Variants in PCDH15 observed in about 807,000 individuals in gnomAD.
The protein encoded by PCDH15 is protocadherin-15.
In PCDH15, 129 loss-of-function variants were observed where a neutral mutation model predicts 178.5. That is an observed-to-expected ratio of 0.72 (90% CI 0.63 to 0.84). PCDH15 has a LOEUF of 0.84. Among genes scored for constraint, PCDH15 ranks in the 40% least tolerant of loss-of-function variants. The pLI is 0.00. For synonymous variants in PCDH15, 800 were observed against 732.0 expected (o/e 1.09, Z -1.50); for missense variants, 2,230 against 2,099.9 (o/e 1.06, Z -1.21).
chr10:55,233,095 G>A (rs1841272475), intron 1 of PCDH15, among the ~76,000 whole-genome samples: 1 of 151,936 alleles, frequency 6.6e-6, no homozygotes, highest in South Asian at 2.1e-4. Flanking sequence ...ACATTAAAAT[G>A]ATGTTATACT....
chr10:55,422,010 T>C (rs1218628911), intron 2 of PCDH15, among the ~76,000 whole-genome samples: 1 of 151,766 alleles, frequency 6.6e-6, no homozygotes, highest in Non-Finnish European at 1.5e-5. Context: ...TTTTAAAGTA[T>C]GTAATTAAGT....
chr10:54,700,118 C>A (rs2095289142), intron 1 of PCDH15, among the ~76,000 whole-genome samples: 2 of 152,040 alleles, frequency 1.3e-5, no homozygotes, highest in South Asian at 4.1e-4. Flanking sequence ...TCTTTGGCCC[C>A]CTGAGATCTT....
intron 3 of PCDH15, among the ~76,000 whole-genome samples, chr10:54,498,623 G>A (rs188652444): frequency 6.6e-6 from 1 of 152,034 alleles, no homozygotes; most frequent in Non-Finnish European, 1.5e-5. Flanking sequence ...AAACAGAAGA[G>A]GCAAAGGGTC....
chr10:54,763,571 T>C (rs1405019256), intron 1 of PCDH15, among the ~76,000 whole-genome samples: 1 of 152,044 alleles, frequency 6.6e-6, no homozygotes, highest in Non-Finnish European at 1.5e-5. Context: ...GACTAGTTAC[T>C]AATTCATTGT....
intron 6 of PCDH15, among the ~76,000 whole-genome samples, chr10:54,333,107 T>A (rs1157722578): frequency 1.3e-5 from 2 of 152,052 alleles, no homozygotes; most frequent in Admixed American, 6.6e-5. Flanking sequence ...CACATCTGGC[T>A]AATTTTTATT....
At chr10:54,412,518 A>T (rs922059387) in intron 3 of PCDH15, among the ~76,000 whole-genome samples, 3 of 152,180 alleles carry the variant, frequency 2.0e-5, no homozygotes, top group African/African-American at 7.2e-5. Flanking sequence ...CTCAGAGGAC[A>T]TACACCGAAG....
At position 54,727,431 on chromosome 10, in the gene PCDH15, T is replaced by C. The variant is rs1016862869; in HGVS notation, c.-28-63141A>G. On this transcript the variant is annotated intron_variant, in intron 1 of 37. Coordinates refer to ENST00000644397, the MANE Select transcript of PCDH15 (RefSeq NM_001384140.1). ...AACAAAGATACAACATACCAGACTC[T>C]GGGACACAGCTAAAGCAGTGTTAAG... Among the ~76,000 whole-genome samples the C allele has an allele frequency of 2.6e-5, 4 of 151,722 alleles. No homozygotes were observed. The Admixed American group carries it at 2.6e-4, about 10-fold the overall frequency.
chr10:55,378,632 T>C (rs1356154064), intron 2 of PCDH15, among the ~76,000 whole-genome samples: 1 of 152,106 alleles, frequency 6.6e-6, no homozygotes, highest in Admixed American at 6.6e-5. Context: ...CTATAACCAT[T>C]TGTTTCCAGA....
intron 25 of PCDH15, among the ~76,000 whole-genome samples, chr10:53,919,833 A>G (rs1467547648): frequency 2.0e-5 from 3 of 152,236 alleles, no homozygotes; most frequent in African/African-American, 4.8e-5. Context: ...GCCTAGGACC[A>G]CAAGAAAAAT....
intron 8 of PCDH15, among the ~76,000 whole-genome samples, chr10:54,289,076 C>A (rs1190788064): frequency 6.6e-6 from 1 of 152,192 alleles, no homozygotes; most frequent in East Asian, 1.9e-4. Context: ...GGGTCCCTGA[C>A]CCCCGTTTAG....
intron 2 of PCDH15, among the ~76,000 whole-genome samples, chr10:55,368,315 G>A (rs1588959979): frequency 6.6e-6 from 1 of 151,974 alleles, no homozygotes; most frequent in Non-Finnish European, 1.5e-5. Flanking sequence ...CCCTAACATA[G>A]GCATGTGAGC....
intron 3 of PCDH15, among the ~76,000 whole-genome samples, chr10:54,809,768 A>G (rs1952834003): frequency 6.6e-6 from 1 of 152,176 alleles, no homozygotes; most frequent in South Asian, 2.1e-4. Context: ...TGGATCATTG[A>G]AAGAGACAAA....
chr10:54,175,181 A>G (rs2047321019), intron 13 of PCDH15, among the ~76,000 whole-genome samples: 1 of 152,150 alleles, frequency 6.6e-6, no homozygotes, highest in South Asian at 2.1e-4. Context: ...TAATCATGAC[A>G]TTATACACAC....
intron 21 of PCDH15, among the ~76,000 whole-genome samples, chr10:53,975,939 T>A (rs954917141): frequency 7.2e-5 from 11 of 152,148 alleles, no homozygotes; most frequent in African/African-American, 2.7e-4. Context: ...ATCAAAAAAA[T>A]TTTTGTATGT....
chr10:54,001,459 G>A (rs1268039463), intron 20 of PCDH15, among the ~76,000 whole-genome samples: 2 of 151,370 alleles, frequency 1.3e-5, no homozygotes, highest in Non-Finnish European at 1.5e-5. Flanking sequence ...GTTTTTATTA[G>A]TTATTTTTTC....
intron 10 of PCDH15, among the ~76,000 whole-genome samples, chr10:54,208,356 A>ACTT (rs1789778263): frequency 1.3e-5 from 2 of 152,018 alleles, no homozygotes; most frequent in South Asian, 4.1e-4. Flanking sequence ...TGTGCAATGG[A>ACTT]CTTAATATTT....
At chr10:53,894,009 CA>C (rs1310314769) in intron 26 of PCDH15, among the ~76,000 whole-genome samples, 1 of 152,036 alleles carries the variant, frequency 6.6e-6, no homozygotes, top group African/African-American at 2.4e-5. Context: ...AAACTTGTGT[CA>C]GGGGGGTTTG....
At chr10:53,972,274 T>C (rs996444962) in intron 21 of PCDH15, among the ~76,000 whole-genome samples, 3 of 82,952 alleles carry the variant, frequency 3.6e-5, no homozygotes, top group Non-Finnish European at 7.6e-5. Flanking sequence ...TTACACCTTA[T>C]ACAAAAATTA....
At chr10:55,448,541 G>T (rs1278056873) in intron 2 of PCDH15, among the ~76,000 whole-genome samples, 1 of 151,888 alleles carries the variant, frequency 6.6e-6, no homozygotes, top group Non-Finnish European at 1.5e-5. Context: ...GGAAACTTGA[G>T]AATTTTTGAT....
Sources: allele counts gnomAD v4.1 joint callset (sites outside exome capture counted in the v4.1 genomes callset), GRCh38; gene constraint gnomAD v4.1.1; transcripts MANE v1.5; gene names NCBI Gene and HGNC (gene_info 2026-07-23, HGNC 2026-07-21).